The following ITPKB variants were observed in gnomAD, a reference collection of about 807,000 sequenced individuals.
ITPKB encodes IP3 3-kinase B.
ITPKB carries 13 observed loss-of-function variants against 69.4 expected under a neutral mutation model. That is an observed-to-expected ratio of 0.19 (90% confidence interval 0.12 to 0.30). ITPKB has a LOEUF of 0.30. Among genes scored for constraint, ITPKB ranks in the 10% least tolerant of loss-of-function variants. The pLI is 1.00. For missense variants in ITPKB, 1,240 were observed against 1,250.5 expected (o/e 0.99, Z 0.13); for synonymous variants, 584 against 513.7 (o/e 1.14, Z -1.85).
chr1:226,671,066 C>T (rs1257221433), intron 2 of ITPKB, among the ~76,000 whole-genome samples: 2 of 152,234 alleles, frequency 1.3e-5, no homozygotes, highest in East Asian at 1.9e-4. Context: ...AATGTCCCTT[C>T]AGCTAAGGGA....
chr1:226,677,726 T>C (rs1044302880), intron 2 of ITPKB, among the ~76,000 whole-genome samples: 1 of 152,212 alleles, frequency 6.6e-6, no homozygotes, highest in African/African-American at 2.4e-5. Flanking sequence ...AAAATGCAAC[T>C]TACTGCAGCC....
chr1:226,711,184 A>G (rs1656940189), intron 2 of ITPKB, among the ~76,000 whole-genome samples: 1 of 152,130 alleles, frequency 6.6e-6, no homozygotes. Flanking sequence ...ATAGGACAAA[A>G]AAAATGAAAA....
intron 2 of ITPKB, among the ~76,000 whole-genome samples, chr1:226,660,312 T>A (rs980858862): frequency 4.6e-5 from 7 of 152,222 alleles, no homozygotes; most frequent in Admixed American, 3.9e-4. Flanking sequence ...ATGCTCTTCC[T>A]TAGCGACTCT....
chr1:226,720,707 A>G (rs189148518), intron 2 of ITPKB, among the ~76,000 whole-genome samples: 1 of 152,302 alleles, frequency 6.6e-6, no homozygotes, highest in Non-Finnish European at 1.5e-5. Flanking sequence ...CTGTTAATTC[A>G]TATTGAACTG....
At chr1:226,680,382 A>G (rs1380308389) in intron 2 of ITPKB, among the ~76,000 whole-genome samples, 1 of 152,214 alleles carries the variant, frequency 6.6e-6, no homozygotes, top group Admixed American at 6.5e-5. Flanking sequence ...GGGGGGAGGT[A>G]GGGAAGCCTG....
At chr1:226,639,745 G>A in intron 5 of ITPKB, 87 bp from the exon 6 acceptor site, 2 of 884,640 alleles carry the variant, frequency 2.3e-6, no homozygotes, top group Non-Finnish European at 1.9e-6. Context: ...CCACAGAGCA[G>A]GCGAGCCCCA....
intron 2 of ITPKB, among the ~76,000 whole-genome samples, chr1:226,724,074 C>G (rs1657331593): frequency 6.6e-6 from 1 of 152,130 alleles, no homozygotes; most frequent in Non-Finnish European, 1.5e-5. Flanking sequence ...GCACCCGGTA[C>G]TTGAGCTGCA....
chr1:226,635,532 T>G (rs530816583), intron 7 of ITPKB, among the ~76,000 whole-genome samples: 1 of 152,258 alleles, frequency 6.6e-6, no homozygotes, highest in African/African-American at 2.4e-5. Context: ...CTGGGCAAAC[T>G]TTCCACTCTT....
intron 2 of ITPKB, among the ~76,000 whole-genome samples, chr1:226,651,203 T>G (rs1669185156): frequency 6.6e-6 from 1 of 151,308 alleles, no homozygotes; most frequent in Admixed American, 6.6e-5. Flanking sequence ...GAACTGGGAG[T>G]GGTTGGGAAC....
intron 2 of ITPKB, chr1:226,659,695 G>A (rs1669363911): frequency 1.3e-5 from 2 of 151,692 alleles, no homozygotes; most frequent in South Asian, 4.2e-4. Flanking sequence ...AGGAGGGAGA[G>A]CTTCCCAGCA....
Position 226,657,804 on chromosome 1 carries a change from C to T in ITPKB, c.1933-9033G>A, listed in dbSNP as rs1265438008. ...ATTCCAAGGATTTTGTCTCAGCCAA[C>T]AGGATTACTGGGCTCCCATCATCTC... On this transcript the variant is annotated intron_variant, in intron 2 of 7. Transcript: ENST00000429204. Among the ~76,000 whole-genome samples, 5 of 152,240 alleles carry T rather than the reference C, an allele frequency of 3.3e-5. No individual in the cohort carries two copies. The East Asian group carries it at 9.6e-4, about 29-fold the overall frequency.
intron 2 of ITPKB, among the ~76,000 whole-genome samples, chr1:226,728,411 T>C (rs994878831): frequency 6.6e-6 from 1 of 152,220 alleles, no homozygotes; most frequent in Admixed American, 6.5e-5. Context: ...CCAGACAAGT[T>C]AGTCAAAAGC....
Position 226,736,488 on chromosome 1 carries a change from G to A in ITPKB, c.971C>T (p.Thr324Ile), listed in dbSNP as rs770544171. The change falls in exon 2 of 8, where the codon ACT (threonine) becomes ATT (isoleucine). Residue 324 changes from threonine (T) to isoleucine (I), a missense_variant. By Grantham distance (89) the Thr-to-Ile change is moderately conservative. Coordinates refer to ENST00000429204, the MANE Select transcript of ITPKB (RefSeq NM_002221.4). ...CTCACGGGCTCTCCCAGACGGCTCA[G>A]TGAGGGCAAGATCCTGTGGACGGTG... Reference protein sequence around the residue: ...GPHRPQDLALTEPSGRARELE... With the variant: ...GPHRPQDLALIEPSGRARELE... The A allele has an allele frequency of 2.5e-6, 4 of 1,613,984 alleles. No individual in the cohort carries two copies. In the East Asian group the frequency reaches 6.7e-5, roughly 27 times the overall value.
chr1:226,638,656 C>T (rs1016446122), intron 6 of ITPKB, among the ~76,000 whole-genome samples: 1 of 152,176 alleles, frequency 6.6e-6, no homozygotes, highest in East Asian at 1.9e-4. Flanking sequence ...GCAGCAGCAA[C>T]ACACAAGACA....
rs368522487 is a variant in ITPKB at position 226,736,222 on chromosome 1, T to G, written c.1237A>C (p.Arg413=). 7.0e-5 allele frequency: 107 copies of G among 1,538,514 alleles called. No individual in the cohort carries two copies. Among genetic ancestry groups the G allele is most frequent in the Non-Finnish European group, 8.8e-5 (101 of 1,145,494 alleles). ...AESSDSLSWS[R]LPRALASVGP... ...ACGGAGGCCAGGGCCCTGGGCAGCC[T>G]GGACCAGCTCAGGGAATCAGAGGAC... The change falls in exon 2 of 8, where the codon AGG becomes CGG. Residue 413 remains arginine, a synonymous_variant. Transcript: ENST00000429204.
At chr1:226,699,245 G>C (rs1220199490) in intron 2 of ITPKB, among the ~76,000 whole-genome samples, 1 of 152,258 alleles carries the variant, frequency 6.6e-6, no homozygotes, top group Non-Finnish European at 1.5e-5. Context: ...AGAAAGGAAA[G>C]GTGCAAGAGC....
intron 2 of ITPKB, among the ~76,000 whole-genome samples, chr1:226,715,204 C>G (rs997451973): frequency 2.6e-5 from 4 of 152,234 alleles, no homozygotes; most frequent in Admixed American, 1.3e-4. Context: ...AGGAACTAAG[C>G]TATGCTTGTA....
chr1:226,674,192 A>G (rs955456902), intron 2 of ITPKB, among the ~76,000 whole-genome samples: 1 of 152,158 alleles, frequency 6.6e-6, no homozygotes, highest in Non-Finnish European at 1.5e-5. Context: ...AATATTTTTT[A>G]AGTATTTATA....
At position 226,634,603 on chromosome 1, in the gene ITPKB, G is replaced by C; in HGVS notation, c.*68C>G. 1 of 708,564 alleles carries C rather than the reference G, an allele frequency of 1.4e-6. No individual in the cohort carries two copies. The highest frequency in any genetic ancestry group is 2.6e-5 in the East Asian group (1 of 39,064). 43.9% of individuals were successfully genotyped at this position (708,564 alleles called of 1,614,324 possible). The stretch of plus-strand genomic sequence containing the variant: ...TCAGGTGTAAGTGAAGGAAAAGTTA[G>C]GAACGAGAAAGGAAGCACAGGAGGA... On this transcript the variant is annotated 3_prime_UTR_variant, in exon 8 of 8. Transcript: ENST00000429204. This position sits in a 1 kb window ranked among gnomAD's most constrained non-coding sequence, Gnocchi z 6.3.
Sources: gnomAD v4.1 joint callset for allele counts (sites outside exome capture counted in the v4.1 genomes callset) on GRCh38, gnomAD v4.1.1 for gene constraint, Gnocchi (gnomAD v3.1) non-coding constraint, MANE v1.5 for transcripts, NCBI Gene and HGNC (gene_info 2026-07-23, HGNC 2026-07-21) for gene names.